The following DSCAM variants were observed in gnomAD, a reference collection of about 807,000 sequenced individuals.
DSCAM encodes the protein DS cell adhesion molecule.
DSCAM carries 47 observed loss-of-function variants against 217.7 expected under a neutral mutation model. The observed-to-expected ratio is 0.22, with a 90% CI of 0.17 to 0.28. The LOEUF is 0.28. Among genes scored for constraint, DSCAM ranks in the 10% least tolerant of loss-of-function variants. DSCAM has a pLI of 1.00. For missense variants in DSCAM, 2,080 were observed against 2,618.3 expected (o/e 0.79, Z 4.49); for synonymous variants, 1,056 against 1,015.3 (o/e 1.04, Z -0.76).
At position 40,144,855 on chromosome 21, in the gene DSCAM, G is replaced by C; in HGVS notation, c.3019-124C>G. On this transcript the variant is annotated intron_variant, in intron 16 of 32. Transcript: ENST00000400454. This position sits in a 1 kb window ranked among gnomAD's most constrained non-coding sequence, Gnocchi z 4.8. ...GTCATCGCCACGATGCTGGGGCGGTGGTCCGGTAGCAGCCGCAAACCCACG... is the reference window on the plus strand; with the variant it reads ...GTCATCGCCACGATGCTGGGGCGGTCGTCCGGTAGCAGCCGCAAACCCACG... 1 of 1,407,834 alleles carries C rather than the reference G, an allele frequency of 7.1e-7. No individual in the cohort carries two copies. The highest frequency in any genetic ancestry group is 2.0e-5 in the Admixed American group (1 of 49,942). The allele number at this position is 1,407,834 out of a possible 1,614,324, so 87.2% of individuals were successfully genotyped here.
intron 1 of DSCAM, among the ~76,000 whole-genome samples, chr21:40,779,539 G>T (rs1207582704): frequency 4.6e-5 from 7 of 152,196 alleles, no homozygotes. Context: ...AATAAGAGAG[G>T]CGAAGCTGCT....
At chr21:40,414,813 G>A (rs892091906) in intron 3 of DSCAM, among the ~76,000 whole-genome samples, 1 of 152,154 alleles carries the variant, frequency 6.6e-6, no homozygotes, top group African/African-American at 2.4e-5. Context: ...AAAGCACAAG[G>A]TAAGTCATCA....
chr21:40,450,147 T>A (rs2075706939), intron 3 of DSCAM, among the ~76,000 whole-genome samples: 1 of 151,866 alleles, frequency 6.6e-6, no homozygotes, highest in African/African-American at 2.4e-5. Context: ...GGTACTCATT[T>A]AAAAAAAAAT....
Position 40,044,217 on chromosome 21 carries a change from G to T in DSCAM, c.5244C>A (p.Ser1748Arg), listed in dbSNP as rs1309511450. 6.2e-7 allele frequency: 1 copy of T among 1,614,178 alleles called. No homozygotes were observed. The highest frequency in any genetic ancestry group is 1.1e-5 in the South Asian group (1 of 91,082). ...AGPTARNRYA[S>R]QWTLNRPHPT... ...GGTGGGGTCGGTTGAGGGTCCACTG[G>T]CTGGCATAGCGGTTTCTCGCTGTGG... The change falls in exon 31 of 33, where the codon AGC (serine) becomes AGA (arginine). Residue 1748 changes from serine (S) to arginine (R), a missense_variant. By Grantham distance (110) the Ser-to-Arg change is moderately radical. Transcript: ENST00000400454.
At chr21:40,394,866 T>C (rs1472751314) in intron 3 of DSCAM, among the ~76,000 whole-genome samples, 2 of 152,184 alleles carry the variant, frequency 1.3e-5, no homozygotes, top group Non-Finnish European at 2.9e-5. Context: ...GAGATTAGGA[T>C]AGAAATACAG....
intron 3 of DSCAM, among the ~76,000 whole-genome samples, chr21:40,435,441 G>A (rs184089571): frequency 2.6e-5 from 4 of 151,872 alleles, no homozygotes; most frequent in Admixed American, 2.6e-4. Context: ...GTCAAACCCT[G>A]GTGACACAAG....
chr21:40,028,886 T>C (rs987277531), intron 32 of DSCAM, among the ~76,000 whole-genome samples: 2 of 152,170 alleles, frequency 1.3e-5, no homozygotes, highest in Non-Finnish European at 2.9e-5. Flanking sequence ...AAAAGACATC[T>C]CTTCAACAGA....
At position 40,666,310 on chromosome 21, in the gene DSCAM, C is replaced by T. The variant is rs75045923; in HGVS notation, c.508+26500G>A. Among the ~76,000 whole-genome samples, 242 of 152,270 alleles carry T rather than the reference C, an allele frequency of 1.6e-3. 5 individuals carry two copies. In the East Asian group the frequency reaches 0.038, roughly 24 times the overall value. ...GTTTTCTATGCAGTACCTCATTTAACCCTTAAAACAACCCTATGAGCAGAG... is the reference window on the plus strand; with the variant it reads ...GTTTTCTATGCAGTACCTCATTTAATCCTTAAAACAACCCTATGAGCAGAG... On this transcript the variant is annotated intron_variant, in intron 3 of 32. Transcript: ENST00000400454.
In DSCAM at chr21:40,316,286, A is replaced by G. The variant is rs2074196039; in HGVS notation, c.1784-3927T>C. Among the ~76,000 whole-genome samples the G allele has an allele frequency of 3.3e-5, 5 of 152,324 alleles. 1 individual carries two copies. Among genetic ancestry groups the G allele is most frequent in the Admixed American group, 3.3e-4 (5 of 15,304 alleles). The stretch of plus-strand genomic sequence containing the variant: ...ATTAGGTCAGTATGCACATTACATC[A>G]TTGTTAATGTAAATTAAATCACAAG... On this transcript the variant is annotated intron_variant, in intron 8 of 32. Transcript: ENST00000400454.
intron 32 of DSCAM, among the ~76,000 whole-genome samples, chr21:40,015,860 A>C (rs2088148219): frequency 6.6e-6 from 1 of 152,222 alleles, no homozygotes; most frequent in African/African-American, 2.4e-5. Flanking sequence ...ACACTGCCTG[A>C]CTTGAGCTGG....
chr21:40,369,341 T>C (rs9636971), intron 3 of DSCAM, 96 bp from the exon 4 acceptor site: 2 of 1,275,846 alleles, frequency 1.6e-6, no homozygotes, highest in East Asian at 2.5e-5. Context: ...TTCCCCCACC[T>C]GAAGAAACTT....
chr21:40,728,041 G>T (rs539924102), intron 1 of DSCAM, among the ~76,000 whole-genome samples: 2 of 152,202 alleles, frequency 1.3e-5, no homozygotes, highest in Admixed American at 1.3e-4. Flanking sequence ...CCCCCTCAGG[G>T]ATGCTTCCCC....
intron 3 of DSCAM, among the ~76,000 whole-genome samples, chr21:40,608,270 C>T (rs2089268777): frequency 6.6e-6 from 1 of 152,046 alleles, no homozygotes; most frequent in South Asian, 2.1e-4. Flanking sequence ...ATTTTTCTGG[C>T]ATTAGGGATA....
intron 1 of DSCAM, among the ~76,000 whole-genome samples, chr21:40,758,732 G>A (rs2091301145): frequency 2.0e-5 from 3 of 151,936 alleles, no homozygotes; most frequent in Non-Finnish European, 2.9e-5. Context: ...TGGGGAAGCT[G>A]GGGGCTAACC....
rs936083745 is a variant in DSCAM, at chr21:40,846,779, C to A, written c.-118G>T. On this transcript the variant is annotated 5_prime_UTR_variant, in exon 1 of 33. Transcript: ENST00000400454. ...CCCGGGGGCCGCCGCCCGCCCGCCGCCCGCCGCCGCCGCCGCCGCTGCCTA... is the reference window on the plus strand; with the variant it reads ...CCCGGGGGCCGCCGCCCGCCCGCCGACCGCCGCCGCCGCCGCCGCTGCCTA... The A allele has an allele frequency of 1.3e-5, 4 of 307,956 alleles. No individual in the cohort carries two copies. The highest frequency in any genetic ancestry group is 1.9e-5 in the Non-Finnish European group (4 of 213,354). 19.1% of individuals were successfully genotyped at this position (307,956 alleles called of 1,614,324 possible). A position where few individuals can be genotyped will look rare whatever the true frequency, so the allele number is the denominator to read the frequency against.
intron 3 of DSCAM, among the ~76,000 whole-genome samples, chr21:40,627,941 G>C (rs1027194854): frequency 1.3e-5 from 2 of 152,190 alleles, no homozygotes; most frequent in Non-Finnish European, 2.9e-5. Context: ...CTGCTGGGAA[G>C]GGTAGAAGGA....
intron 11 of DSCAM, among the ~76,000 whole-genome samples, chr21:40,193,562 T>C (rs1339045143): frequency 6.6e-6 from 1 of 152,112 alleles, no homozygotes; most frequent in East Asian, 1.9e-4. Context: ...TCCACTACCA[T>C]CAACCCCCAC....
chr21:40,833,255 G>C (rs1467414593), intron 1 of DSCAM, among the ~76,000 whole-genome samples: 2 of 152,068 alleles, frequency 1.3e-5, no homozygotes, highest in East Asian at 3.9e-4. Flanking sequence ...TTCTAGCTAC[G>C]GTTTCAATAT....
chr21:40,462,752 G>T (rs781734251), intron 3 of DSCAM, among the ~76,000 whole-genome samples: 2 of 152,082 alleles, frequency 1.3e-5, no homozygotes, highest in Non-Finnish European at 2.9e-5. Context: ...TGAGTGTCAG[G>T]AATCTTAATC....
Sources: allele counts gnomAD v4.1 joint callset (sites outside exome capture counted in the v4.1 genomes callset), GRCh38; gene constraint gnomAD v4.1.1; non-coding constraint Gnocchi (gnomAD v3.1); transcripts MANE v1.5; gene names NCBI Gene and HGNC (gene_info 2026-07-23, HGNC 2026-07-21).